The following ETFA variants were observed in gnomAD, a reference collection of about 807,000 sequenced individuals.
ETFA encodes electron transfer flavoprotein subunit alpha.
In ETFA, 22 loss-of-function variants were observed where a neutral mutation model predicts 46.2. The observed-to-expected ratio is 0.48, with a 90% CI of 0.34 to 0.68. The LOEUF (loss-of-function observed/expected upper bound fraction) is 0.68. Among genes scored for constraint, ETFA ranks in the 30% least tolerant of loss-of-function variants. The pLI is 0.01. For synonymous variants in ETFA, 131 were observed against 139.9 expected (o/e 0.94, Z 0.45); for missense variants, 345 against 401.1 (o/e 0.86, Z 1.19).
intron 9 of ETFA, among the ~76,000 whole-genome samples, chr15:76,271,398 A>C (rs886631185): frequency 1.3e-5 from 2 of 152,234 alleles, no homozygotes; most frequent in African/African-American, 4.8e-5. Flanking sequence ...TTCCTGTTCA[A>C]GATATATAAT....
rs113535148 is a variant in ETFA at position 76,267,528 on chromosome 15, C to T, written c.816+6884G>A. On this transcript the variant is annotated intron_variant, in intron 9 of 11. Coordinates refer to ENST00000557943, the MANE Select transcript of ETFA (RefSeq NM_000126.4). ...TACTGCCTTCTGTTACTCAAAAAGC[C>T]CCCACTGGAGCAGCCATTACTGTTT... Among the ~76,000 whole-genome samples the T allele has an allele frequency of 2.4e-3, 357 of 151,730 alleles. 3 individuals are homozygous for T. Among genetic ancestry groups the T allele is most frequent in the African/African-American group, 8.0e-3 (332 of 41,352 alleles).
chr15:76,294,034 A>T (rs956289061), intron 2 of ETFA, among the ~76,000 whole-genome samples: 5 of 152,212 alleles, frequency 3.3e-5, no homozygotes, highest in African/African-American at 1.2e-4. Context: ...GCTGTTTATG[A>T]CAAGTAGCTG....
At chr15:76,294,179 A>G (rs552634504) in intron 2 of ETFA, among the ~76,000 whole-genome samples, 2 of 152,356 alleles carry the variant, frequency 1.3e-5, no homozygotes, top group Admixed American at 1.3e-4. Flanking sequence ...GATTTTTCTC[A>G]AAGTAGTATA....
intron 9 of ETFA, among the ~76,000 whole-genome samples, chr15:76,247,936 T>C (rs1302651115): frequency 6.6e-6 from 1 of 152,246 alleles, no homozygotes; most frequent in East Asian, 1.9e-4. Context: ...CCTATTAAGA[T>C]AATAAAATAT....
chr15:76,295,513 C>T, intron 2 of ETFA, 78 bp downstream of exon 2: 2 of 1,263,516 alleles, frequency 1.6e-6, no homozygotes, highest in African/African-American at 1.5e-5. Context: ...CAATCCTAAG[C>T]ATAATTCTCT....
intron 9 of ETFA, among the ~76,000 whole-genome samples, chr15:76,234,472 C>T (rs553639219): frequency 4.2e-4 from 64 of 152,292 alleles, no homozygotes; most frequent in Admixed American, 8.5e-4. Flanking sequence ...TTCCCTGAGG[C>T]ACTTTCCTTC....
intron 1 of ETFA, among the ~76,000 whole-genome samples, chr15:76,305,738 C>T (rs1330181098): frequency 1.3e-5 from 2 of 152,306 alleles, no homozygotes; most frequent in East Asian, 3.9e-4. Flanking sequence ...TTTTCAGTTA[C>T]TCATGCAAAC....
intron 4 of ETFA, among the ~76,000 whole-genome samples, chr15:76,288,881 C>CA (rs2039727648): frequency 6.6e-6 from 1 of 151,108 alleles, no homozygotes; most frequent in African/African-American, 2.4e-5. Flanking sequence ...GGGAAAGTCA[C>CA]AGTTCCCCAA....
At chr15:76,263,378 A>G (rs1174649750) in intron 9 of ETFA, among the ~76,000 whole-genome samples, 1 of 152,228 alleles carries the variant, frequency 6.6e-6, no homozygotes, top group African/African-American at 2.4e-5. Flanking sequence ...ACGCTAGAGC[A>G]TGTGAAAGCG....
At chr15:76,269,904 G>A (rs1023537131) in intron 9 of ETFA, among the ~76,000 whole-genome samples, 2 of 152,078 alleles carry the variant, frequency 1.3e-5, no homozygotes, top group Non-Finnish European at 2.9e-5. Flanking sequence ...ACTCAATAAT[G>A]AAAACAAGCA....
chr15:76,251,914 C>T (rs2039302287), intron 9 of ETFA, among the ~76,000 whole-genome samples: 1 of 152,160 alleles, frequency 6.6e-6, no homozygotes. Flanking sequence ...GTCTTATTTA[C>T]AGTAAAGGTA....
intron 9 of ETFA, chr15:76,259,104 G>A: frequency 6.5e-7 from 1 of 1,534,300 alleles, no homozygotes; most frequent in Non-Finnish European, 9.0e-7. Context: ...CCCTCCAGGG[G>A]TGAGGATGTA....
At chr15:76,283,604 G>A (rs1211468159) in intron 8 of ETFA, among the ~76,000 whole-genome samples, 153 bp downstream of exon 8, 1 of 152,132 alleles carries the variant, frequency 6.6e-6, no homozygotes, top group Non-Finnish European at 1.5e-5. Flanking sequence ...TTACTTGGAG[G>A]CTTAAGAAAA....
intron 1 of ETFA, among the ~76,000 whole-genome samples, chr15:76,308,414 C>T (rs111903353): frequency 4.7e-4 from 71 of 152,274 alleles, no homozygotes; most frequent in African/African-American, 1.6e-3. Context: ...GTCAGCATTA[C>T]CACTAATGGG....
intron 11 of ETFA, among the ~76,000 whole-genome samples, chr15:76,216,840 CTTTT>C (rs373144812): frequency 4.5e-5 from 4 of 89,278 alleles, no homozygotes; most frequent in Non-Finnish European, 6.0e-5. Flanking sequence ...TGCCTTTTGC[CTTTT>C]TTTTTTTTTT....
chr15:76,240,742 G>A (rs550423344), intron 9 of ETFA, among the ~76,000 whole-genome samples: 26 of 151,704 alleles, frequency 1.7e-4, no homozygotes, highest in Non-Finnish European at 3.5e-4. Flanking sequence ...TAAGAGAATA[G>A]TTTCACATTC....
At chr15:76,272,047 T>C (rs558757792) in intron 9 of ETFA, among the ~76,000 whole-genome samples, 4 of 152,156 alleles carry the variant, frequency 2.6e-5, no homozygotes, top group African/African-American at 9.6e-5. Context: ...TGGTTCTATA[T>C]CCATAAGAGT....
At chr15:76,279,720 G>C (rs2039629391) in intron 8 of ETFA, among the ~76,000 whole-genome samples, 1 of 152,138 alleles carries the variant, frequency 6.6e-6, no homozygotes, top group Non-Finnish European at 1.5e-5. Flanking sequence ...AGCAGTGTGT[G>C]TCATAGTTGA....
intron 9 of ETFA, among the ~76,000 whole-genome samples, chr15:76,246,033 CAAAAT>C (rs932993815): frequency 6.6e-5 from 10 of 152,188 alleles, no homozygotes; most frequent in African/African-American, 2.2e-4. Flanking sequence ...AATTTCAAAA[CAAAAT>C]AAAACAAAAT....
Sources: gnomAD v4.1 joint callset for allele counts (sites outside exome capture counted in the v4.1 genomes callset) on GRCh38, gnomAD v4.1.1 for gene constraint, MANE v1.5 for transcripts, NCBI Gene and HGNC (gene_info 2026-07-23, HGNC 2026-07-21) for gene names.